The following HPD variants were observed in gnomAD, a reference collection of about 807,000 sequenced individuals.
HPD encodes the protein 4-hydroxyphenylpyruvic acid oxidase.
Under a neutral mutation model 56.9 loss-of-function variants are expected in HPD, and 35 were observed. The observed-to-expected ratio is 0.62, with a 90% CI of 0.47 to 0.82. The LOEUF (loss-of-function observed/expected upper bound fraction) is 0.82, where lower values mean the gene tolerates loss of function less well. Ranked by LOEUF, HPD falls within the 40% of genes least tolerant of loss-of-function variation. The probability of loss-of-function intolerance (pLI) is 0.00; values close to 1 mark genes in which losing one functional copy is unlikely to be tolerated. For missense variants in HPD, 442 were observed against 506.8 expected, an observed-to-expected ratio of 0.87 and a Z score of 1.23; for synonymous variants, 186 against 200.2, an observed-to-expected ratio of 0.93 and a Z score of 0.60.
rs776023141 is a variant in HPD at position 121,847,055 on chromosome 12, G to T, written c.756C>A (p.Ile252=). The change falls in exon 10 of 14, where the codon ATC becomes ATA. Residue 252 remains isoleucine (I), a synonymous_variant. Transcript: ENST00000289004. ...EPAPGKKKSQ[I]QEYVDYNGGA... ...CCCCAGCCAGGGGCGGCCTCACCTG[G>T]ATCTGGGACTTCTTCTTGCCAGGCG... is the stretch of plus-strand genomic sequence containing the variant. The T allele has an allele frequency of 6.2e-7, 1 of 1,614,104 alleles. No individual in the cohort carries two copies. The highest frequency in any genetic ancestry group is 8.5e-7 in the Non-Finnish European group (1 of 1,180,024).
At position 121,846,959 on chromosome 12, in the gene HPD, C is replaced by T. The variant is rs1165363998; in HGVS notation, c.760-26G>A. 2.5e-6 allele frequency: 4 copies of T among 1,613,416 alleles called. No individual in the cohort carries two copies. The Admixed American group carries it at 6.7e-5, about 27-fold the overall frequency. ...CTGGGGGAGGGAAACAAGGAGACCA[C>T]TGTCATTTGCCCCATCACCCACATC... is the stretch of plus-strand genomic sequence containing the variant. On this transcript the variant is annotated intron_variant, in intron 10 of 13. Transcript: ENST00000289004.
At chr12:121,850,812 C>T (rs1877745661) in intron 7 of HPD, among the ~76,000 whole-genome samples, 1 of 151,402 alleles carries the variant, frequency 6.6e-6, no homozygotes, top group South Asian at 2.1e-4. Context: ...GATTCTCCTG[C>T]CTCAGCCTCC....
At chr12:121,863,094 C>T (rs1051745935), upstream of HPD, among the ~76,000 whole-genome samples, 3 of 151,918 alleles carry the variant, frequency 2.0e-5, no homozygotes, top group African/African-American at 4.8e-5. Context: ...GTGATTCTCC[C>T]GCCTCAGTCT....
intron 6 of HPD, among the ~76,000 whole-genome samples, 189 bp from the exon 7 acceptor site, chr12:121,854,981 T>G (rs1335150733): frequency 6.6e-6 from 1 of 152,142 alleles, no homozygotes; most frequent in Non-Finnish European, 1.5e-5. Flanking sequence ...ATAGGGAAAC[T>G]GAGGCCCAGG....
chr12:121,871,860 T>G, the HPD span, among the ~76,000 whole-genome samples: 2 of 151,996 alleles, frequency 1.3e-5, no homozygotes, highest in East Asian at 1.9e-4. Context: ...GTGTGGACCG[T>G]AGGATGTCCT....
At chr12:121,844,008 C>G (rs1228296760) in intron 11 of HPD, among the ~76,000 whole-genome samples, 176 bp from the exon 12 acceptor site, 1 of 152,146 alleles carries the variant, frequency 6.6e-6, no homozygotes, top group Admixed American at 6.6e-5. Context: ...AGAACAACAA[C>G]TGCTAGATTT....
chr12:121,869,663 T>TC, the HPD span, among the ~76,000 whole-genome samples: 1 of 151,484 alleles, frequency 6.6e-6, no homozygotes, highest in African/African-American at 2.4e-5. Flanking sequence ...TAGCTAGGAT[T>TC]AAAGGCGCCC....
intron 12 of HPD, among the ~76,000 whole-genome samples, chr12:121,842,848 A>G (rs1877455141): frequency 6.7e-6 from 1 of 148,822 alleles, no homozygotes; most frequent in Non-Finnish European, 1.5e-5. Flanking sequence ...CCCGGGTTCA[A>G]GTGATTCTCC....
At chr12:121,845,579 C>A (rs1015163448) in intron 11 of HPD, among the ~76,000 whole-genome samples, 3 of 136,798 alleles carry the variant, frequency 2.2e-5, no homozygotes, top group Middle Eastern at 8.3e-3. Flanking sequence ...CCAGCCTGGG[C>A]GACAGAGCCA....
chr12:121,856,238 C>T (rs1210782367), intron 6 of HPD, 86 bp downstream of exon 6: 7 of 989,286 alleles, frequency 7.1e-6, no homozygotes, highest in Non-Finnish European at 1.1e-5. Flanking sequence ...CACTGTGATG[C>T]AGCAGTGTCC....
chr12:121,858,866 G>C, upstream of HPD: 1 of 1,613,056 alleles, frequency 6.2e-7, no homozygotes, highest in Non-Finnish European at 8.5e-7. Flanking sequence ...AGAGGCCTGG[G>C]GAGTGCTGGG....
Position 121,849,799 on chromosome 12 carries a change from G to A in HPD, c.415-9C>T. 4 of 1,594,536 alleles carry A rather than the reference G, an allele frequency of 2.5e-6. No individual in the cohort carries two copies. The highest frequency in any genetic ancestry group is 1.1e-5 in the South Asian group (1 of 90,640). ...TGTGTGGTGTCCCCATACTACGGGT[G>A]GAAAACAGCCTGGCTCGGCCCCTGG... On this transcript the variant is annotated splice_polypyrimidine_tract_variant and intron_variant, in intron 7 of 13. Transcript: ENST00000289004.
intron 2 of HPD, 39 bp downstream of exon 2, chr12:121,858,648 G>T: frequency 5.6e-6 from 9 of 1,605,018 alleles, no homozygotes; most frequent in African/African-American, 1.3e-5. Context: ...CCCCCTTCTA[G>T]ACTCAGGCCC....
chr12:121,870,824 G>A, the HPD span, among the ~76,000 whole-genome samples: 15 of 151,848 alleles, frequency 9.9e-5, no homozygotes, highest in African/African-American at 2.2e-4. Flanking sequence ...GTGAACTCCC[G>A]ACCTCAGTTG....
At chr12:121,848,952 G>T in intron 9 of HPD, 47 bp downstream of exon 9, 1 of 1,401,752 alleles carries the variant, frequency 7.1e-7, no homozygotes, top group Non-Finnish European at 1.0e-6. Context: ...CCAGTCCACC[G>T]TGAGGACCCG....
upstream of HPD, among the ~76,000 whole-genome samples, chr12:121,865,581 T>TAAG (rs1878305514): frequency 6.8e-6 from 1 of 148,082 alleles, no homozygotes; most frequent in Non-Finnish European, 1.5e-5. Context: ...GACACTCTCT[T>TAAG]TCAAAAAAAA....
the HPD span, among the ~76,000 whole-genome samples, chr12:121,887,914 A>G: frequency 0.46 from 69,211 of 152,012 alleles, 16,384 homozygotes; most frequent in Non-Finnish European, 0.5. Flanking sequence ...GCCCTTTTCA[A>G]GACAAAATAT....
chr12:121,872,055 A>AC, the HPD span, among the ~76,000 whole-genome samples: 1 of 134,830 alleles, frequency 7.4e-6, no homozygotes, highest in Admixed American at 7.8e-5. Context: ...AGATGGTGAA[A>AC]CCCCGTCTCT....
chr12:121,867,833 AT>A (rs1592928551), upstream of HPD, among the ~76,000 whole-genome samples: 1 of 151,930 alleles, frequency 6.6e-6, no homozygotes, highest in East Asian at 1.9e-4. Flanking sequence ...CACTGGCTAA[AT>A]TTTTGTTTGT....
Sources: gnomAD v4.1 joint callset for allele counts (sites outside exome capture counted in the v4.1 genomes callset) on GRCh38, gnomAD v4.1.1 for gene constraint, MANE v1.5 for transcripts, NCBI Gene and HGNC (gene_info 2026-07-23, HGNC 2026-07-21) for gene names.